PROZ: variants seen among roughly 807,000 people sequenced by gnomAD.
The protein encoded by PROZ is protein Z, vitamin K dependent plasma glycoprotein.
A neutral mutation model predicts 34.9 loss-of-function variants in PROZ; 46 were observed. That is an observed-to-expected ratio of 1.32 (90% CI 1.04 to 1.69). PROZ has a LOEUF of 1.69. Ranked by LOEUF, PROZ falls within the 40% of genes most tolerant of loss-of-function variation. The pLI is 0.00. For missense variants in PROZ, 530 were observed against 520.4 expected, an observed-to-expected ratio of 1.02 and a Z score of -0.18; for synonymous variants, 195 against 208.5, an observed-to-expected ratio of 0.94 and a Z score of 0.56.
chr13:113,163,381 C>T lies in PROZ; in HGVS notation c.373+259C>T, dbSNP rs115280841. 7.2e-3 allele frequency among the ~76,000 whole-genome samples: 1,094 copies of T among 152,284 alleles called. 21 individuals are homozygous for T. Among genetic ancestry groups the T allele is most frequent in the African/African-American group, 0.025 (1,018 of 41,544 alleles). The stretch of plus-strand genomic sequence containing the variant: ...TTTCATAGCAGGGGCCCCTCTCCTC[C>T]CCCCACCACCTCAACCATTCACAAT... On this transcript the variant is annotated intron_variant, in intron 4 of 7. Coordinates refer to ENST00000375547, the MANE Select transcript of PROZ (RefSeq NM_003891.3).
intron 3 of PROZ, among the ~76,000 whole-genome samples, chr13:113,161,178 C>G (rs891730791): frequency 1.3e-5 from 2 of 152,352 alleles, no homozygotes; most frequent in African/African-American, 4.8e-5. Flanking sequence ...GGGCCACAGG[C>G]AGTGCCTGGT....
At position 113,170,550 on chromosome 13, in the gene PROZ, T is replaced by G; in HGVS notation, c.691+20T>G. 7.0e-7 allele frequency: 1 copy of G among 1,429,620 alleles called. No individual in the cohort carries two copies. The highest frequency in any genetic ancestry group is 1.1e-5 in the South Asian group (1 of 87,140). The allele number at this position is 1,429,620 out of a possible 1,614,324, so 88.6% of individuals were successfully genotyped here. A position where few individuals can be genotyped will look rare whatever the true frequency, so the allele number is the denominator to read the frequency against. The stretch of plus-strand genomic sequence containing the variant: ...AAACATGTAAGTATTTTATCATGAG[T>G]TTTTATAAAACCACATTGGAAATAC... On this transcript the variant is annotated intron_variant, in intron 7 of 7. Transcript: ENST00000375547.
intron 6 of PROZ, among the ~76,000 whole-genome samples, chr13:113,168,157 A>G (rs546273961): frequency 6.6e-6 from 1 of 152,390 alleles, no homozygotes; most frequent in East Asian, 1.9e-4. Flanking sequence ...TTGTTTAAAC[A>G]GTATCCTGTA....
Position 113,163,051 on chromosome 13 carries a change from C to T in PROZ, c.302C>T (p.Ser101Phe). 1 of 1,563,076 alleles carries T rather than the reference C, an allele frequency of 6.4e-7. No individual in the cohort carries two copies. The highest frequency in any genetic ancestry group is 8.7e-7 in the Non-Finnish European group (1 of 1,152,908). The change falls in exon 4 of 8, where the codon TCT becomes TTT. Residue 101 changes from serine to phenylalanine, a missense_variant. Ser to Phe is a radical substitution (Grantham distance 155, BLOSUM62 -2). Transcript: ENST00000375547. Reference sequence around the variant, plus strand: ...TCCCAGCCCTGCCTCCACAACGGCTCTTGCCAGGACAGCATCTGGGGCTAC... The same window carrying T: ...TCCCAGCCCTGCCTCCACAACGGCTTTTGCCAGGACAGCATCTGGGGCTAC... ...CISQPCLHNG[S>F]CQDSIWGYTC...
rs757569841 is a variant in PROZ, at chr13:113,162,997, C to G, written c.260-12C>G. 3 of 1,541,830 alleles carry G rather than the reference C, an allele frequency of 1.9e-6. No homozygotes were observed. The African/African-American group carries it at 4.1e-5, about 21-fold the overall frequency. On this transcript the variant is annotated splice_polypyrimidine_tract_variant and intron_variant, in intron 3 of 7. Transcript: ENST00000375547. ...TGTCACCACCACCCCAACCCCCATC[C>G]TCCTCCTGCAGGCGGCTCCCCGTGC...
At chr13:113,161,082 T>C (rs965524701) in intron 3 of PROZ, 110 bp downstream of exon 3, 11 of 984,024 alleles carry the variant, frequency 1.1e-5, no homozygotes, top group Admixed American at 1.7e-5. Flanking sequence ...AGCCTCTGGC[T>C]CCAGGACCCA....
Position 113,159,973 on chromosome 13 carries a change from C to A in PROZ, c.71-41C>A. 2 of 1,611,648 alleles carry A rather than the reference C, an allele frequency of 1.2e-6. No individual in the cohort carries two copies. Among genetic ancestry groups the A allele is most frequent in the Non-Finnish European group, 1.7e-6 (2 of 1,178,820 alleles). On this transcript the variant is annotated intron_variant, in intron 1 of 7. Coordinates refer to ENST00000375547, the MANE Select transcript of PROZ (RefSeq NM_003891.3). This position sits in a 1 kb window ranked among gnomAD's most constrained non-coding sequence, Gnocchi z 4.6. ...CCAGGCAGCTCTGGAAAGCAGGGCC[C>A]TCGGTGCTCCCAGTCACCTGCCTTC...
chr13:113,164,557 T>TTCTGCC lies in PROZ; in HGVS notation c.421_426dup (p.Cys141_Leu142dup). 9.3e-6 allele frequency: 15 copies of TTCTGCC among 1,613,738 alleles called. No homozygotes were observed. Among genetic ancestry groups the TTCTGCC allele is most frequent in the African/African-American group, 5.3e-5 (4 of 74,890 alleles). On this transcript the variant is annotated inframe_insertion, in exon 5 of 8. Coordinates refer to ENST00000375547, the MANE Select transcript of PROZ (RefSeq NM_003891.3). ...AGAGCGGACTGATGGGTGTCAACAC[T>TTCTGCC]TCTGCCTCCCAGGACAGGAATCCTA...
intron 3 of PROZ, 71 bp from the exon 4 acceptor site, chr13:113,162,938 A>ACCCC: frequency 2.2e-6 from 1 of 451,632 alleles, no homozygotes; most frequent in Non-Finnish European, 3.5e-6. Flanking sequence ...TCCTGTCACC[A>ACCCC]CCCCCACCCT....
chr13:113,171,866 G>A lies in PROZ; in HGVS notation c.964G>A (p.Val322Met), dbSNP rs770092147. The change falls in exon 8 of 8, where the codon GTG becomes ATG. Residue 322 changes from valine to methionine, a missense_variant. Transcript: ENST00000375547. This position sits in a 1 kb window ranked among gnomAD's most constrained non-coding sequence, Gnocchi z 5.1. The stretch of plus-strand genomic sequence containing the variant: ...GCTGACCACGCGGCCTGTCACACTT[G>A]TGGAGGGGGAGGAGTGCGGGCAGGT... ...NSLTTRPVTL[V>M]EGEECGQVLN... is the part of the protein sequence containing the mutation. 3.1e-6 allele frequency: 5 copies of A among 1,613,710 alleles called. No individual in the cohort carries two copies. In the South Asian group the frequency reaches 5.5e-5, roughly 18 times the overall value.
rs202097128 is a variant in PROZ at position 113,172,091 on chromosome 13, C to G, written c.1189C>G (p.Gln397Glu). ...CTCCAGGTACTCACTCTGGTTTAAACAGATCATGAACTAACTGAAACTCAG... is the reference window on the plus strand; with the variant it reads ...CTCCAGGTACTCACTCTGGTTTAAAGAGATCATGAACTAACTGAAACTCAG... ...KVSRYSLWFK[Q>E]IMN The change falls in exon 8 of 8, where the codon CAG becomes GAG. Residue 397 changes from glutamine (Q) to glutamate (E), a missense_variant. Gln to Glu is a conservative substitution (Grantham distance 29). Transcript: ENST00000375547. The G allele has an allele frequency of 5.6e-6, 9 of 1,612,796 alleles. No homozygotes were observed. The highest frequency in any genetic ancestry group is 7.6e-6 in the Non-Finnish European group (9 of 1,179,976).
rs979212613 is a variant in PROZ at position 113,172,268 on chromosome 13, T to A, written c.*163T>A. ...AGCAGCAGAGCCGCCGTTTGCTGGGTTGTTTACCGAGCACTGTGACCTTTC... is the reference window on the plus strand; with the variant it reads ...AGCAGCAGAGCCGCCGTTTGCTGGGATGTTTACCGAGCACTGTGACCTTTC... On this transcript the variant is annotated 3_prime_UTR_variant, in exon 8 of 8. Coordinates refer to ENST00000375547, the MANE Select transcript of PROZ (RefSeq NM_003891.3). 2.1e-5 allele frequency: 20 copies of A among 947,614 alleles called. No homozygotes were observed. The highest frequency in any genetic ancestry group is 3.2e-5 in the Non-Finnish European group (20 of 621,248). 58.7% of individuals were successfully genotyped at this position (947,614 alleles called of 1,614,324 possible). A position where few individuals can be genotyped will look rare whatever the true frequency, so the allele number is the denominator to read the frequency against.
At chr13:113,165,737 G>C (rs2036909366) in intron 6 of PROZ, among the ~76,000 whole-genome samples, 1 of 152,076 alleles carries the variant, frequency 6.6e-6, no homozygotes. Flanking sequence ...CACCATGTTG[G>C]ACAGGATGGT....
chr13:113,170,336 C>T (rs919756213), intron 6 of PROZ, 77 bp from the exon 7 acceptor site: 9 of 884,926 alleles, frequency 1.0e-5, no homozygotes, highest in African/African-American at 8.2e-5. Flanking sequence ...TGGTCCATAT[C>T]CCTATCCAGT....
chr13:113,158,835 T>C lies in PROZ; in HGVS notation c.70+105T>C, dbSNP rs1432825322. On this transcript the variant is annotated intron_variant, in intron 1 of 7. Transcript: ENST00000375547. The surrounding 1 kb of genome is among the most constrained non-coding windows in gnomAD (Gnocchi z 4.3). ...CTTTTTCCAGGAGCCAGAGGAGCCC[T>C]GAGTGCCCAGACTAGTCTTAATTCC... is the stretch of plus-strand genomic sequence containing the variant. 5.2e-6 allele frequency: 6 copies of C among 1,149,994 alleles called. No individual in the cohort carries two copies. The highest frequency in any genetic ancestry group is 6.3e-6 in the Non-Finnish European group (5 of 790,242). The allele number at this position is 1,149,994 out of a possible 1,614,324, so 71.2% of individuals were successfully genotyped here. A position where few individuals can be genotyped will look rare whatever the true frequency, so the allele number is the denominator to read the frequency against.
At chr13:113,165,154 T>G (rs1181586495) in intron 6 of PROZ, 34 bp downstream of exon 6, 3 of 1,578,354 alleles carry the variant, frequency 1.9e-6, no homozygotes. Flanking sequence ...TTCAATTTAT[T>G]GTTATGACTT....
In PROZ at chr13:113,164,554, C is replaced by T; in HGVS notation, c.415C>T (p.His139Tyr). 6.2e-7 allele frequency: 1 copy of T among 1,613,160 alleles called. No homozygotes were observed. The highest frequency in any genetic ancestry group is 8.5e-7 in the Non-Finnish European group (1 of 1,179,956). ...CHPERTDGCQ[H>Y]FCLPGQESYT... ...CCCAGAGCGGACTGATGGGTGTCAA[C>T]ACTTCTGCCTCCCAGGACAGGAATC... The change falls in exon 5 of 8, where the codon CAC becomes TAC. Residue 139 changes from histidine to tyrosine, a missense_variant. By Grantham distance (83) the His-to-Tyr change is moderately conservative. Coordinates refer to ENST00000375547, the MANE Select transcript of PROZ (RefSeq NM_003891.3).
chr13:113,159,914 CG>C lies in PROZ; in HGVS notation c.71-96del. On this transcript the variant is annotated intron_variant, in intron 1 of 7. Coordinates refer to ENST00000375547, the MANE Select transcript of PROZ (RefSeq NM_003891.3). This position sits in a 1 kb window ranked among gnomAD's most constrained non-coding sequence, Gnocchi z 4.6. ...CAGGCTGAGAGCCTGTGGAGACGGA[CG>C]GGGCTGGGGCTGGCGGCCGGCCGGG... 2.8e-6 allele frequency: 4 copies of C among 1,432,236 alleles called. No individual in the cohort carries two copies. The highest frequency in any genetic ancestry group is 3.9e-6 in the Non-Finnish European group (4 of 1,017,944). The allele number at this position is 1,432,236 out of a possible 1,614,324, so 88.7% of individuals were successfully genotyped here.
chr13:113,166,980 A>G (rs2036955634), intron 6 of PROZ, among the ~76,000 whole-genome samples: 1 of 152,234 alleles, frequency 6.6e-6, no homozygotes, highest in African/African-American at 2.4e-5. Flanking sequence ...GACAGAGGAC[A>G]CTGACTTAGG....
Sources: gnomAD v4.1 joint callset for allele counts (sites outside exome capture counted in the v4.1 genomes callset) on GRCh38, gnomAD v4.1.1 for gene constraint, Gnocchi (gnomAD v3.1) non-coding constraint, MANE v1.5 for transcripts, NCBI Gene and HGNC (gene_info 2026-07-23, HGNC 2026-07-21) for gene names.